The following BRAF variants were observed in gnomAD, a reference collection of about 807,000 sequenced individuals.
BRAF encodes serine/threonine-protein kinase B-raf.
Under a neutral mutation model 104.6 loss-of-function variants are expected in BRAF, and 16 were observed. The ratio of observed to expected loss-of-function variants is 0.15; its 90% CI spans 0.10 to 0.23. The LOEUF (loss-of-function observed/expected upper bound fraction) is 0.23, where lower values mean the gene tolerates loss of function less well. Ranked by LOEUF, BRAF falls within the 10% of genes least tolerant of loss-of-function variation. The pLI is 1.00. For synonymous variants in BRAF, 310 were observed against 341.6 expected (o/e 0.91, Z 1.02); for missense variants, 541 against 937.3 (o/e 0.58, Z 5.52).
rs1262586382 is a variant in BRAF at position 140,924,850 on chromosome 7, G to A, written c.-147C>T. ...GGGGAGGAGCGGCCCGGGCGGCGCC[G>A]CGGGCGGAGGGCGCCTGGGCCACCT... On this transcript the variant is annotated 5_prime_UTR_variant, in exon 1 of 20. Transcript: ENST00000644969. The surrounding 1 kb of genome is among the most constrained non-coding windows in gnomAD (Gnocchi z 4.2). The A allele has an allele frequency of 6.9e-6, 2 of 289,070 alleles. No homozygotes were observed. The highest frequency in any genetic ancestry group is 1.2e-4 in the East Asian group (2 of 16,534). 17.9% of individuals were successfully genotyped at this position (289,070 alleles called of 1,614,324 possible). A position where few individuals can be genotyped will look rare whatever the true frequency, so the allele number is the denominator to read the frequency against.
intron 2 of BRAF, among the ~76,000 whole-genome samples, chr7:140,841,420 T>C (rs950326917): frequency 4.6e-5 from 7 of 152,162 alleles, no homozygotes; most frequent in Non-Finnish European, 1.0e-4. Flanking sequence ...AAAATATATC[T>C]ACACAAAAAC....
At chr7:140,740,137 C>T (rs1343072909) in intron 17 of BRAF, 191 bp from the exon 17 acceptor site, 1 of 595,904 alleles carries the variant, frequency 1.7e-6, no homozygotes, top group Non-Finnish European at 2.9e-6. Context: ...AGTGCAAGCT[C>T]AAATCTTCAT....
Position 140,719,522 on chromosome 7 carries a change from T to C in BRAF, c.*6972A>G. 9.6e-7 allele frequency: 1 copy of C among 1,038,772 alleles called. No individual in the cohort carries two copies. The highest frequency in any genetic ancestry group is 1.2e-6 in the Non-Finnish European group (1 of 859,098). 64.3% of individuals were successfully genotyped at this position (1,038,772 alleles called of 1,614,324 possible). On this transcript the variant is annotated 3_prime_UTR_variant, in exon 20 of 20. Transcript: ENST00000644969. ...TATCCAAACTGAACAATATTTTCTG[T>C]TATACAAATTTACATGAGAAAAACT...
chr7:140,785,813 T>C lies in BRAF; in HGVS notation c.1178-5A>G, dbSNP rs1231252988. 3 of 398,704 alleles carry C rather than the reference T, an allele frequency of 7.5e-6. No individual in the cohort carries two copies. Among genetic ancestry groups the C allele is most frequent in the East Asian group, 3.6e-5 (1 of 28,082 alleles). The allele number at this position is 398,704 out of a possible 1,614,324, so 24.7% of individuals were successfully genotyped here. A position where few individuals can be genotyped will look rare whatever the true frequency, so the allele number is the denominator to read the frequency against. On this transcript the variant is annotated splice_polypyrimidine_tract_variant and splice_region_variant and intron_variant, in intron 9 of 19. Transcript: ENST00000644969. Reference sequence around the variant, plus strand: ...GCATCAGCTGGTTCAAAGGGGCTGTTAGAAGAGAAAGAGAGGGGCAGGCAA... The same window carrying C: ...GCATCAGCTGGTTCAAAGGGGCTGTCAGAAGAGAAAGAGAGGGGCAGGCAA...
At chr7:140,780,053 T>C (rs1239030156) in intron 12 of BRAF, 2 of 152,198 alleles carry the variant, frequency 1.3e-5, no homozygotes, top group Admixed American at 6.5e-5. Context: ...CTTATTCTAC[T>C]GTTTGTATCA....
At chr7:140,767,891 T>C (rs1193479148) in intron 14 of BRAF, among the ~76,000 whole-genome samples, 1 of 152,210 alleles carries the variant, frequency 6.6e-6, no homozygotes, top group Non-Finnish European at 1.5e-5. Flanking sequence ...ACACAGAATG[T>C]CTGACACATA....
At position 140,900,858 on chromosome 7, in the gene BRAF, G is replaced by A. The variant is rs183500578; in HGVS notation, c.138+23708C>T. Reference sequence around the variant, plus strand: ...ACTCCTGGCCTCAAGTGATCCAACCGCCTTGGCCTCCCAAAGTGCTGAGAT... The same window carrying A: ...ACTCCTGGCCTCAAGTGATCCAACCACCTTGGCCTCCCAAAGTGCTGAGAT... On this transcript the variant is annotated intron_variant, in intron 1 of 19. Coordinates refer to ENST00000644969, the MANE Select transcript of BRAF (RefSeq NM_001374258.1). Among the ~76,000 whole-genome samples the A allele has an allele frequency of 1.2e-4, 19 of 152,254 alleles. No individual in the cohort carries two copies. The South Asian group carries it at 1.4e-3, about 12-fold the overall frequency.
At chr7:140,871,077 A>C (rs1457977434) in intron 1 of BRAF, among the ~76,000 whole-genome samples, 1 of 151,486 alleles carries the variant, frequency 6.6e-6, no homozygotes, top group Non-Finnish European at 1.5e-5. Context: ...AATACAAAAA[A>C]AAATACAAAA....
chr7:140,924,663 GGCTCCGCGCCGCCACCACCGCCACC>G lies in BRAF; in HGVS notation c.16_40del (p.Gly6ArgfsTer40), dbSNP rs2129153395. On this transcript the variant is annotated frameshift_variant, in exon 1 of 20. Coordinates refer to ENST00000644969, the MANE Select transcript of BRAF (RefSeq NM_001374258.1). LOFTEE classifies it high-confidence loss of function. The surrounding 1 kb of genome is among the most constrained non-coding windows in gnomAD (Gnocchi z 4.2). ...GTCCCCGTTGAACAGAGCCTGGCCC[GGCTCCGCGCCGCCACCACCGCCACC>G]GCTCAGCGCCGCCATCTTATAACCG... is the stretch of plus-strand genomic sequence containing the variant. 3 of 1,354,266 alleles carry G rather than the reference GGCTCCGCGCCGCCACCACCGCCACC, an allele frequency of 2.2e-6. No homozygotes were observed. Among genetic ancestry groups the G allele is most frequent in the Non-Finnish European group, 3.0e-6 (3 of 994,504 alleles). The allele number at this position is 1,354,266 out of a possible 1,614,324, so 83.9% of individuals were successfully genotyped here. A position where few individuals can be genotyped will look rare whatever the true frequency, so the allele number is the denominator to read the frequency against.
chr7:140,855,564 AC>A (rs1809684306), intron 1 of BRAF, among the ~76,000 whole-genome samples: 1 of 150,814 alleles, frequency 6.6e-6, no homozygotes. Flanking sequence ...CAAAAAAAAA[AC>A]TACAGCCATT....
intron 2 of BRAF, chr7:140,835,389 C>T (rs1489110213): frequency 6.2e-6 from 1 of 161,630 alleles, no homozygotes; most frequent in East Asian, 1.7e-4. Flanking sequence ...AGTACCAGAT[C>T]TCACTGTTAG....
intron 2 of BRAF, among the ~76,000 whole-genome samples, chr7:140,847,644 T>C (rs1309535049): frequency 6.6e-6 from 1 of 152,042 alleles, no homozygotes; most frequent in Non-Finnish European, 1.5e-5. Context: ...ACAAGATAAA[T>C]CAACTATTTA....
chr7:140,924,813 CG>C lies in BRAF; in HGVS notation c.-111del. 1 of 382,912 alleles carries C rather than the reference CG, an allele frequency of 2.6e-6. No individual in the cohort carries two copies. The highest frequency in any genetic ancestry group is 4.6e-6 in the Non-Finnish European group (1 of 216,196). The allele number at this position is 382,912 out of a possible 1,614,324, so 23.7% of individuals were successfully genotyped here. Reference sequence around the variant, plus strand: ...GAGGCGGAGGCGGAGGAGCGGGGGGCGCGGGGGGCGCGGGGAGGAGCGGCCC... The same window carrying C: ...GAGGCGGAGGCGGAGGAGCGGGGGGCCGGGGGGCGCGGGGAGGAGCGGCCC... On this transcript the variant is annotated 5_prime_UTR_variant, in exon 1 of 20. Coordinates refer to ENST00000644969, the MANE Select transcript of BRAF (RefSeq NM_001374258.1). The surrounding 1 kb of genome is among the most constrained non-coding windows in gnomAD (Gnocchi z 4.2).
At chr7:140,843,928 G>C (rs1362259652) in intron 2 of BRAF, among the ~76,000 whole-genome samples, 1 of 152,172 alleles carries the variant, frequency 6.6e-6, no homozygotes, top group Non-Finnish European at 1.5e-5. Flanking sequence ...AGAATGGCGT[G>C]AACCCGGGAG....
In BRAF at chr7:140,725,471, T is replaced by C; in HGVS notation, c.*1023A>G. On this transcript the variant is annotated 3_prime_UTR_variant, in exon 20 of 20. Transcript: ENST00000644969. ...AATCTGAAAATTATTTTCTTTTTAA[T>C]AAAAATAGAAAAGAAGAAACTCAGA... 1.1e-6 allele frequency: 1 copy of C among 936,128 alleles called. No individual in the cohort carries two copies. Among genetic ancestry groups the C allele is most frequent in the East Asian group, 6.1e-5 (1 of 16,376 alleles). 58.0% of individuals were successfully genotyped at this position (936,128 alleles called of 1,614,324 possible). A position where few individuals can be genotyped will look rare whatever the true frequency, so the allele number is the denominator to read the frequency against.
chr7:140,739,970 A>G (rs2130901452), intron 17 of BRAF, 24 bp from the exon 17 acceptor site: 1 of 1,610,198 alleles, frequency 6.2e-7, no homozygotes, highest in Non-Finnish European at 8.5e-7. Context: ...AAAAAGGGAA[A>G]TAATTCAACC....
intron 2 of BRAF, 39 bp from the exon 3 acceptor site, chr7:140,834,911 G>A (rs757490618): frequency 1.5e-5 from 24 of 1,609,494 alleles, no homozygotes; most frequent in Middle Eastern, 1.6e-4. Flanking sequence ...TCCGGACTTT[G>A]TCCTGACATT....
At chr7:140,729,051 C>T (rs546562126) in intron 19 of BRAF, among the ~76,000 whole-genome samples, 17 of 140,968 alleles carry the variant, frequency 1.2e-4, no homozygotes, top group Middle Eastern at 3.5e-3. Flanking sequence ...CATAGTGAGA[C>T]GCTGTCTCTC....
chr7:140,873,615 T>C (rs1011182113), intron 1 of BRAF, among the ~76,000 whole-genome samples: 10 of 152,182 alleles, frequency 6.6e-5, no homozygotes, highest in African/African-American at 2.2e-4. Flanking sequence ...ATTTAAGTGA[T>C]AACCTCCACT....
Sources: gnomAD v4.1 joint callset for allele counts (sites outside exome capture counted in the v4.1 genomes callset) on GRCh38, gnomAD v4.1.1 for gene constraint, Gnocchi (gnomAD v3.1) non-coding constraint, MANE v1.5 for transcripts, NCBI Gene and HGNC (gene_info 2026-07-23, HGNC 2026-07-21) for gene names.